Variants in CNTN3 observed in about 807,000 individuals in gnomAD.
CNTN3 encodes the protein contactin-3.
In CNTN3, 60 loss-of-function variants were observed where a neutral mutation model predicts 119.1. That is an observed-to-expected ratio of 0.50 (90% CI 0.41 to 0.62). The LOEUF is 0.62. Among genes scored for constraint, CNTN3 ranks in the 20% least tolerant of loss-of-function variants. CNTN3 has a pLI of 0.00. For synonymous variants in CNTN3, 450 were observed against 438.7 expected, an observed-to-expected ratio of 1.03 and a Z score of -0.32; for missense variants, 1,101 against 1,242.4, an observed-to-expected ratio of 0.89 and a Z score of 1.71.
intron 5 of CNTN3, among the ~76,000 whole-genome samples, chr3:74,378,522 A>G (rs1179122655): frequency 6.6e-6 from 1 of 152,194 alleles, no homozygotes; most frequent in Non-Finnish European, 1.5e-5. Flanking sequence ...AGGAGGAAAA[A>G]CATTAAAAAT....
chr3:74,265,065 T>G (rs916066928), intron 22 of CNTN3, among the ~76,000 whole-genome samples: 1 of 152,182 alleles, frequency 6.6e-6, no homozygotes, highest in African/African-American at 2.4e-5. Flanking sequence ...GATAATTCAA[T>G]GGTTTAATTA....
intron 1 of CNTN3, among the ~76,000 whole-genome samples, chr3:74,565,634 T>C (rs1175083532): frequency 6.6e-6 from 1 of 152,102 alleles, no homozygotes; most frequent in Non-Finnish European, 1.5e-5. Context: ...TTATTTTCAC[T>C]CACAACCTCC....
At chr3:74,613,057 TAGCAA>T (rs911721751) in intron 1 of CNTN3, among the ~76,000 whole-genome samples, 15 of 152,280 alleles carry the variant, frequency 9.9e-5, no homozygotes, top group African/African-American at 3.6e-4. Context: ...TAAACACATC[TAGCAA>T]AGCAAAAGTA....
intron 1 of CNTN3, among the ~76,000 whole-genome samples, chr3:74,540,576 G>C (rs1044366888): frequency 6.6e-6 from 1 of 152,054 alleles, no homozygotes; most frequent in Admixed American, 6.6e-5. Flanking sequence ...ACACTAACAG[G>C]GTAAGTACTA....
chr3:74,358,536 T>C (rs1703994837), intron 11 of CNTN3, among the ~76,000 whole-genome samples: 1 of 151,548 alleles, frequency 6.6e-6, no homozygotes, highest in Non-Finnish European at 1.5e-5. Context: ...GGAAGAGTGT[T>C]GTATGGGACT....
At chr3:74,312,387 C>T (rs1045939770) in intron 13 of CNTN3, among the ~76,000 whole-genome samples, 3 of 133,810 alleles carry the variant, frequency 2.2e-5, no homozygotes, top group Non-Finnish European at 3.1e-5. Flanking sequence ...ACCCGGGAGG[C>T]GGAGCTTGCA....
chr3:74,358,487 A>G (rs953663256), intron 11 of CNTN3, among the ~76,000 whole-genome samples: 1 of 151,742 alleles, frequency 6.6e-6, no homozygotes, highest in Non-Finnish European at 1.5e-5. Context: ...TTGCAGTTAA[A>G]TGTGGCCAGG....
At chr3:74,266,438 A>G in intron 22 of CNTN3, 43 bp downstream of exon 22, 1 of 1,573,408 alleles carries the variant, frequency 6.4e-7, no homozygotes, top group Non-Finnish European at 8.7e-7. Flanking sequence ...GCGGATAGTA[A>G]CACTGATGTC....
intron 4 of CNTN3, among the ~76,000 whole-genome samples, chr3:74,481,951 G>T (rs1178004598): frequency 1.3e-5 from 2 of 151,650 alleles, no homozygotes; most frequent in African/African-American, 4.8e-5. Context: ...AAATGAAATG[G>T]ATAAAATTCC....
At chr3:74,458,730 T>C (rs1226978713) in intron 4 of CNTN3, among the ~76,000 whole-genome samples, 1 of 152,066 alleles carries the variant, frequency 6.6e-6, no homozygotes, top group African/African-American at 2.4e-5. Flanking sequence ...GGAGAAAACA[T>C]TATGGGATGA....
intron 1 of CNTN3, among the ~76,000 whole-genome samples, chr3:74,522,692 G>C (rs1703560425): frequency 6.6e-6 from 1 of 151,650 alleles, no homozygotes; most frequent in African/African-American, 2.4e-5. Context: ...TTGCAAAGGG[G>C]CAAGGCAGCA....
In CNTN3 at chr3:74,383,154, C is replaced by G. The variant is rs543507896; in HGVS notation, c.455-11755G>C. Among the ~76,000 whole-genome samples the G allele has an allele frequency of 3.3e-5, 5 of 152,294 alleles. No individual in the cohort carries two copies. The South Asian group carries it at 1.0e-3, about 32-fold the overall frequency. ...ACATGAAACTTGCCTTTATTCTACT[C>G]ATACCCTGTTCTTATGAGCCTCCTG... On this transcript the variant is annotated intron_variant, in intron 5 of 22. Coordinates refer to ENST00000263665, the MANE Select transcript of CNTN3 (RefSeq NM_020872.3).
intron 5 of CNTN3, 133 bp from the exon 6 acceptor site, chr3:74,371,532 A>T: frequency 1.5e-6 from 1 of 646,806 alleles, no homozygotes; most frequent in Non-Finnish European, 2.7e-6. Context: ...GGCCATGAAG[A>T]GAAGCAGTTA....
chr3:74,299,527 C>G (rs116697529), intron 17 of CNTN3, among the ~76,000 whole-genome samples: 1,651 of 152,238 alleles, frequency 0.011, 13 homozygotes, highest in Middle Eastern at 0.02. Context: ...AACCAGGTGA[C>G]CCTGAGCAAA....
At chr3:74,582,743 G>A (rs1248810018) in intron 1 of CNTN3, among the ~76,000 whole-genome samples, 1 of 151,794 alleles carries the variant, frequency 6.6e-6, no homozygotes, top group African/African-American at 2.4e-5. Flanking sequence ...GTAAAATGGT[G>A]CAACCACTGT....
chr3:74,283,199 C>G (rs895066100), intron 20 of CNTN3, among the ~76,000 whole-genome samples: 1 of 152,070 alleles, frequency 6.6e-6, no homozygotes, highest in Admixed American at 6.6e-5. Flanking sequence ...GATTTGGATG[C>G]CCATCCTGTT....
intron 3 of CNTN3, among the ~76,000 whole-genome samples, chr3:74,491,435 A>C (rs189747797): frequency 6.6e-6 from 1 of 152,228 alleles, no homozygotes; most frequent in Non-Finnish European, 1.5e-5. Context: ...GGAAGATGGA[A>C]GTTGCTGCCA....
Position 74,610,773 on chromosome 3 carries a change from C to A in CNTN3, c.-81+3618G>T, listed in dbSNP as rs553972292. 4.8e-4 allele frequency among the ~76,000 whole-genome samples: 73 copies of A among 151,890 alleles called. 1 individual carries two copies. The highest frequency in any genetic ancestry group is 7.5e-4 in the Non-Finnish European group (51 of 67,994). ...AAGATGGGGACTTGGAGAAGGAGGA[C>A]GTGGGTGAACATGGAGGGAAGTGGG... On this transcript the variant is annotated intron_variant, in intron 1 of 22. Transcript: ENST00000263665.
chr3:74,567,032 G>A (rs1388151435), intron 1 of CNTN3, among the ~76,000 whole-genome samples: 1 of 152,134 alleles, frequency 6.6e-6, no homozygotes, highest in African/African-American at 2.4e-5. Flanking sequence ...GCCTCTTGGG[G>A]CACAGAGCAG....
Sources: allele counts gnomAD v4.1 joint callset (sites outside exome capture counted in the v4.1 genomes callset), GRCh38; gene constraint gnomAD v4.1.1; transcripts MANE v1.5; gene names NCBI Gene and HGNC (gene_info 2026-07-23, HGNC 2026-07-21).